Variants in GALNTL6 observed in about 807,000 individuals in gnomAD.
The protein encoded by GALNTL6 is polypeptide N-acetylgalactosaminyltransferase-like 6.
GALNTL6 carries 46 observed loss-of-function variants against 73.7 expected under a neutral mutation model. The observed-to-expected ratio is 0.62, with a 90% CI of 0.49 to 0.80. GALNTL6 has a LOEUF of 0.80. Among genes scored for constraint, GALNTL6 ranks in the 30% least tolerant of loss-of-function variants. The pLI is 0.00. For synonymous variants in GALNTL6, 259 were observed against 263.7 expected (o/e 0.98, Z 0.17); for missense variants, 604 against 755.0 (o/e 0.80, Z 2.34).
intron 2 of GALNTL6, among the ~76,000 whole-genome samples, chr4:171,825,502 G>T (rs927956115): frequency 1.3e-5 from 2 of 152,174 alleles, no homozygotes; most frequent in African/African-American, 4.8e-5. Flanking sequence ...AACTTACGTA[G>T]AAACTTTTAA....
At chr4:172,868,872 T>A (rs1579587499) in intron 7 of GALNTL6, among the ~76,000 whole-genome samples, 2 of 152,316 alleles carry the variant, frequency 1.3e-5, no homozygotes, top group East Asian at 1.9e-4. Flanking sequence ...CTATTTTTAA[T>A]CCTGGGACTG....
At chr4:172,069,614 TATAACA>T (rs1161601366) in intron 2 of GALNTL6, among the ~76,000 whole-genome samples, 5 of 38,826 alleles carry the variant, frequency 1.3e-4, no homozygotes, top group Admixed American at 3.0e-4. Flanking sequence ...GTTATATATA[TATAACA>T]TATATATATA....
chr4:172,973,286 G>A (rs768647343), intron 10 of GALNTL6, among the ~76,000 whole-genome samples: 4 of 152,262 alleles, frequency 2.6e-5, no homozygotes, highest in Middle Eastern at 6.8e-3. Context: ...ATGATGCAAC[G>A]TGAAAGCATT....
At chr4:172,403,034 G>A (rs1326914187) in intron 5 of GALNTL6, among the ~76,000 whole-genome samples, 2 of 151,992 alleles carry the variant, frequency 1.3e-5, no homozygotes, top group Admixed American at 6.6e-5. Flanking sequence ...ATAATTTGTA[G>A]AAAGGAATAA....
intron 5 of GALNTL6, among the ~76,000 whole-genome samples, chr4:172,445,513 CA>C (rs2111409999): frequency 6.6e-6 from 1 of 152,272 alleles, no homozygotes; most frequent in South Asian, 2.1e-4. Context: ...CATGCACACA[CA>C]ATCATTAGCA....
rs538420392 is a variant in GALNTL6, at chr4:172,677,703, C to T, written c.554-131658C>T. 4.5e-4 allele frequency among the ~76,000 whole-genome samples: 68 copies of T among 151,974 alleles called. No individual in the cohort carries two copies. In the Middle Eastern group the frequency reaches 0.017, roughly 38 times the overall value. On this transcript the variant is annotated intron_variant, in intron 5 of 12. Transcript: ENST00000506823. ...TTTGGGAGGCCGAGGCAGGAGCATC[C>T]TTTGAGTCCAGGAGTTGGAGATCAG...
chr4:172,928,300 A>G (rs1228493479), intron 8 of GALNTL6, among the ~76,000 whole-genome samples: 3 of 152,204 alleles, frequency 2.0e-5, no homozygotes, highest in Non-Finnish European at 2.9e-5. Flanking sequence ...TTCAAATCTC[A>G]GTTCTGGAAG....
At chr4:172,090,126 G>A (rs986849624) in intron 2 of GALNTL6, among the ~76,000 whole-genome samples, 1 of 152,164 alleles carries the variant, frequency 6.6e-6, no homozygotes, top group Admixed American at 6.5e-5. Context: ...TTGGTTCCAA[G>A]TCTTTGCTAT....
chr4:172,225,529 C>A (rs2110957846), intron 2 of GALNTL6, among the ~76,000 whole-genome samples: 1 of 151,722 alleles, frequency 6.6e-6, no homozygotes, highest in African/African-American at 2.4e-5. Context: ...AATACACAGA[C>A]TTCTGTCTCT....
chr4:172,551,954 A>C (rs9994843), intron 5 of GALNTL6, among the ~76,000 whole-genome samples: 125,996 of 151,520 alleles, frequency 0.83, 52,516 homozygotes, highest in Non-Finnish European at 0.87. Context: ...ATAAGTCAGG[A>C]GTATAAAAAG....
intron 3 of GALNTL6, among the ~76,000 whole-genome samples, chr4:172,278,964 G>A (rs1421148919): frequency 6.6e-6 from 1 of 152,086 alleles, no homozygotes; most frequent in African/African-American, 2.4e-5. Context: ...TATTCAGTGG[G>A]GAAAAGGACA....
At chr4:172,972,422 G>A (rs1207486601) in intron 10 of GALNTL6, among the ~76,000 whole-genome samples, 1 of 152,108 alleles carries the variant, frequency 6.6e-6, no homozygotes, top group Non-Finnish European at 1.5e-5. Context: ...AGATATCTAA[G>A]CCTAAAATTA....
At chr4:172,211,531 C>T (rs1736320904) in intron 2 of GALNTL6, among the ~76,000 whole-genome samples, 1 of 152,174 alleles carries the variant, frequency 6.6e-6, no homozygotes, top group African/African-American at 2.4e-5. Context: ...TATCCATTTA[C>T]TTATATTAAT....
chr4:172,572,824 A>T (rs1736815793), intron 5 of GALNTL6, among the ~76,000 whole-genome samples: 1 of 152,176 alleles, frequency 6.6e-6, no homozygotes, highest in Non-Finnish European at 1.5e-5. Context: ...CAACCTTGAT[A>T]AAGTCAAGGT....
intron 5 of GALNTL6, among the ~76,000 whole-genome samples, chr4:172,423,167 C>G (rs1561076358): frequency 1.3e-5 from 2 of 152,054 alleles, no homozygotes; most frequent in East Asian, 3.9e-4. Flanking sequence ...CATTCTCTGA[C>G]CTGGGTTATG....
intron 7 of GALNTL6, among the ~76,000 whole-genome samples, chr4:172,853,354 C>T (rs1288564044): frequency 6.6e-6 from 1 of 152,162 alleles, no homozygotes; most frequent in Non-Finnish European, 1.5e-5. Context: ...TTCCAGCAAG[C>T]TACATAAGGC....
intron 9 of GALNTL6, among the ~76,000 whole-genome samples, chr4:172,933,192 A>G (rs1748439409): frequency 6.6e-6 from 1 of 152,042 alleles, no homozygotes; most frequent in African/African-American, 2.4e-5. Flanking sequence ...AAATATCCTA[A>G]AGATAATAAT....
At chr4:172,325,065 T>A (rs1740894969) in intron 4 of GALNTL6, among the ~76,000 whole-genome samples, 2 of 151,632 alleles carry the variant, frequency 1.3e-5, no homozygotes. Flanking sequence ...CTGTAATACT[T>A]TGAACAGATT....
At chr4:172,176,799 G>T (rs560999743) in intron 2 of GALNTL6, among the ~76,000 whole-genome samples, 19 of 151,982 alleles carry the variant, frequency 1.3e-4, no homozygotes, top group African/African-American at 4.6e-4. Flanking sequence ...TAGAAAAATA[G>T]AAATAAAAAA....
Sources: gnomAD v4.1 joint callset for allele counts (sites outside exome capture counted in the v4.1 genomes callset) on GRCh38, gnomAD v4.1.1 for gene constraint, MANE v1.5 for transcripts, NCBI Gene and HGNC (gene_info 2026-07-23, HGNC 2026-07-21) for gene names.